CTNND2: variants seen among roughly 807,000 people sequenced by gnomAD.
CTNND2 encodes the protein catenin delta 2, also known as catenin delta-2.
A neutral mutation model predicts 144.4 loss-of-function variants in CTNND2; 22 were observed. The ratio of observed to expected loss-of-function variants is 0.15; its 90% confidence interval spans 0.11 to 0.22. The LOEUF is 0.22. Ranked by LOEUF, CTNND2 falls within the 10% of genes least tolerant of loss-of-function variation. The probability of loss-of-function intolerance (pLI) is 1.00; values close to 1 mark genes in which losing one functional copy is unlikely to be tolerated. For synonymous variants in CTNND2, 751 were observed against 695.6 expected, an observed-to-expected ratio of 1.08 and a Z score of -1.25; for missense variants, 1,353 against 1,618.8, an observed-to-expected ratio of 0.84 and a Z score of 2.82.
chr5:11,712,870 A>C (rs1322507362), intron 2 of CTNND2, among the ~76,000 whole-genome samples: 1 of 152,218 alleles, frequency 6.6e-6, no homozygotes, highest in African/African-American at 2.4e-5. Context: ...TTTTTTGATT[A>C]AGTATATGCC....
chr5:11,551,515 C>A (rs941593992), intron 3 of CTNND2, among the ~76,000 whole-genome samples: 7 of 146,972 alleles, frequency 4.8e-5, no homozygotes, highest in Non-Finnish European at 7.4e-5. Flanking sequence ...TGGCTCACTG[C>A]AACCTCTTCC....
chr5:11,594,337 T>C (rs537425303), intron 2 of CTNND2, among the ~76,000 whole-genome samples: 1 of 152,342 alleles, frequency 6.6e-6, no homozygotes, highest in African/African-American at 2.4e-5. Flanking sequence ...TTTGCCATTA[T>C]AGCAAAAACC....
chr5:11,408,696 C>T (rs1390266823), intron 5 of CTNND2, among the ~76,000 whole-genome samples: 1 of 151,880 alleles, frequency 6.6e-6, no homozygotes, highest in African/African-American at 2.4e-5. Flanking sequence ...GTGGAAAGAC[C>T]ATACTGGAGC....
At chr5:11,695,537 T>C (rs1785103055) in intron 2 of CTNND2, among the ~76,000 whole-genome samples, 1 of 152,228 alleles carries the variant, frequency 6.6e-6, no homozygotes, top group Non-Finnish European at 1.5e-5. Flanking sequence ...TATTCAGAGA[T>C]GTTTTCCTAT....
At chr5:11,554,021 G>A (rs919687466) in intron 3 of CTNND2, among the ~76,000 whole-genome samples, 2 of 151,970 alleles carry the variant, frequency 1.3e-5, no homozygotes, top group Admixed American at 6.5e-5. Context: ...ACCTTTCTAA[G>A]GCCCTACATC....
At chr5:11,403,263 T>C (rs183197528) in intron 5 of CTNND2, among the ~76,000 whole-genome samples, 200 of 152,272 alleles carry the variant, frequency 1.3e-3, no homozygotes, top group African/African-American at 4.6e-3. Flanking sequence ...CCATGGGTTC[T>C]CATTGTTCAA....
chr5:11,090,272 G>T (rs966841652), intron 15 of CTNND2, among the ~76,000 whole-genome samples: 3 of 152,238 alleles, frequency 2.0e-5, no homozygotes, highest in Admixed American at 1.3e-4. Flanking sequence ...GAAGTTGACT[G>T]CTCAGGTGAC....
At chr5:11,233,491 A>G (rs1422358390) in intron 10 of CTNND2, among the ~76,000 whole-genome samples, 1 of 152,220 alleles carries the variant, frequency 6.6e-6, no homozygotes, top group Admixed American at 6.5e-5. Flanking sequence ...TCAGTTCAAT[A>G]AAATGCAGTA....
At chr5:11,423,665 C>A (rs1322406520) in intron 3 of CTNND2, among the ~76,000 whole-genome samples, 1 of 152,154 alleles carries the variant, frequency 6.6e-6, no homozygotes, top group East Asian at 1.9e-4. Context: ...CATGTGTGAA[C>A]TCACTCCTCT....
chr5:11,645,568 G>T (rs1023950463), intron 2 of CTNND2, among the ~76,000 whole-genome samples: 2 of 151,910 alleles, frequency 1.3e-5, no homozygotes, highest in African/African-American at 2.4e-5. Context: ...TTTTTATCCA[G>T]ATATTTGAAT....
chr5:11,554,507 T>C (rs1478002560), intron 3 of CTNND2, among the ~76,000 whole-genome samples: 1 of 115,898 alleles, frequency 8.6e-6, no homozygotes, highest in Non-Finnish European at 1.8e-5. Flanking sequence ...AAAGTGATTT[T>C]TTTTCTCTAT....
chr5:11,804,257 G>A (rs1791875696), intron 1 of CTNND2, among the ~76,000 whole-genome samples: 1 of 152,168 alleles, frequency 6.6e-6, no homozygotes, highest in African/African-American at 2.4e-5. Context: ...TGATGGGAAT[G>A]CAAAATGGTA....
At chr5:11,009,124 G>A (rs1445094310) in intron 18 of CTNND2, among the ~76,000 whole-genome samples, 1 of 152,232 alleles carries the variant, frequency 6.6e-6, no homozygotes, top group Non-Finnish European at 1.5e-5. Flanking sequence ...TGTAGTCTGA[G>A]GCTGATTGAG....
At chr5:11,477,248 C>T (rs911734835) in intron 3 of CTNND2, among the ~76,000 whole-genome samples, 3 of 152,110 alleles carry the variant, frequency 2.0e-5, no homozygotes, top group African/African-American at 4.8e-5. Flanking sequence ...ATGGCCTATT[C>T]TTAGAAAAGC....
chr5:11,896,853 A>G (rs1375756580), intron 1 of CTNND2, among the ~76,000 whole-genome samples: 2 of 152,152 alleles, frequency 1.3e-5, no homozygotes, highest in African/African-American at 4.8e-5. Flanking sequence ...TGAAACTATA[A>G]TTCATAATTG....
intron 8 of CTNND2, among the ~76,000 whole-genome samples, chr5:11,348,951 A>C (rs1008699894): frequency 6.6e-6 from 1 of 152,140 alleles, no homozygotes; most frequent in African/African-American, 2.4e-5. Context: ...GTTCCTATTT[A>C]TATTTCACTT....
At chr5:11,103,666 T>C (rs1752136042) in intron 14 of CTNND2, among the ~76,000 whole-genome samples, 1 of 150,280 alleles carries the variant, frequency 6.7e-6, no homozygotes, top group East Asian at 2.0e-4. Context: ...CAAGACTGTC[T>C]CAAAAGCAAA....
At chr5:11,713,983 CA>C (rs2126700234) in intron 2 of CTNND2, among the ~76,000 whole-genome samples, 1 of 152,306 alleles carries the variant, frequency 6.6e-6, no homozygotes, top group African/African-American at 2.4e-5. Context: ...AGGTCCCTAA[CA>C]AGACCGTAGC....
intron 9 of CTNND2, among the ~76,000 whole-genome samples, chr5:11,329,168 T>C (rs1294198676): frequency 1.3e-5 from 2 of 152,164 alleles, no homozygotes; most frequent in Admixed American, 1.3e-4. Context: ...TTCTTTAAAA[T>C]TTTTTGAGAC....
Sources: gnomAD v4.1 joint callset for allele counts (sites outside exome capture counted in the v4.1 genomes callset) on GRCh38, gnomAD v4.1.1 for gene constraint, MANE v1.5 for transcripts, NCBI Gene and HGNC (gene_info 2026-07-23, HGNC 2026-07-21) for gene names.